POU2F3: variants seen among roughly 807,000 people sequenced by gnomAD.
POU2F3 encodes the protein POU domain, class 2, transcription factor 3.
In POU2F3, 23 loss-of-function variants were observed where a neutral mutation model predicts 59.2. That is an observed-to-expected ratio of 0.39 (90% CI 0.28 to 0.55). The LOEUF (loss-of-function observed/expected upper bound fraction) is 0.55. Ranked by LOEUF, POU2F3 falls within the 20% of genes least tolerant of loss-of-function variation. The pLI is 0.66. For missense variants in POU2F3, 473 were observed against 544.5 expected, an observed-to-expected ratio of 0.87 and a Z score of 1.31; for synonymous variants, 190 against 214.6, an observed-to-expected ratio of 0.89 and a Z score of 1.00.
rs386375076 is a variant in POU2F3, at chr11:120,308,938, C to CA, written c.907-449dup. ...TAGGCAACAGAGCGAGACTCCGTCT[C>CA]AAAAAAAAAAAAAAAAAAAAAAAAA... On this transcript the variant is annotated intron_variant, in intron 9 of 12. Coordinates refer to ENST00000543440, the MANE Select transcript of POU2F3 (RefSeq NM_014352.4). Among the ~76,000 whole-genome samples the CA allele has an allele frequency of 1.1e-3, 31 of 28,768 alleles. 5 individuals are homozygous for CA. Among genetic ancestry groups the CA allele is most frequent in the Non-Finnish European group, 1.6e-3 (25 of 15,748 alleles). The allele number at this position is 28,768 out of a possible 152,430, so 18.9% of individuals were successfully genotyped here.
intron 1 of POU2F3, among the ~76,000 whole-genome samples, chr11:120,243,481 A>G (rs1938753552): frequency 6.6e-6 from 1 of 152,154 alleles, no homozygotes; most frequent in Non-Finnish European, 1.5e-5. Flanking sequence ...GGGGCAGCCA[A>G]GGGTCTGCAG....
At chr11:120,304,941 G>GT (rs1320106383) in intron 6 of POU2F3, 89 bp from the exon 7 acceptor site, 2 of 532,582 alleles carry the variant, frequency 3.8e-6, no homozygotes, top group African/African-American at 7.1e-5. Context: ...GGGCCTATTA[G>GT]TAAAAAAAAA....
chr11:120,297,199 C>G (rs1328774196), intron 3 of POU2F3, among the ~76,000 whole-genome samples: 1 of 152,188 alleles, frequency 6.6e-6, no homozygotes, highest in Non-Finnish European at 1.5e-5. Flanking sequence ...CACATGGACA[C>G]CCTCCCAAGG....
chr11:120,274,837 G>T (rs1239000352), intron 3 of POU2F3, among the ~76,000 whole-genome samples: 1 of 152,190 alleles, frequency 6.6e-6, no homozygotes, highest in Non-Finnish European at 1.5e-5. Flanking sequence ...AGGAGTGGAT[G>T]TCTATAGATG....
chr11:120,283,859 G>A (rs898730981), intron 3 of POU2F3, among the ~76,000 whole-genome samples: 1 of 150,068 alleles, frequency 6.7e-6, no homozygotes, highest in Non-Finnish European at 1.5e-5. Flanking sequence ...TTGGGAAAAG[G>A]GTCTGTATCA....
chr11:120,304,923 C>A, intron 6 of POU2F3, 107 bp from the exon 7 acceptor site: 1 of 896,874 alleles, frequency 1.1e-6, no homozygotes. Flanking sequence ...ATCTGTCATC[C>A]TCTAAGTGGG....
Position 120,240,370 on chromosome 11 carries a change from A to T in POU2F3, c.27A>T (p.Thr9=). ...TGGTGAATCTGGAGTCCATGCACAC[A>T]GGTGAGGGGCGGAGGGAATGAGCTC... is the stretch of plus-strand genomic sequence containing the variant. MVNLESMH[T]DIKMSGDVAD... is the part of the protein sequence containing the mutation. The change falls in exon 1 of 13, where the codon ACA becomes ACT. Residue 9 remains threonine (T), a splice_region_variant and synonymous_variant. Coordinates refer to ENST00000543440, the MANE Select transcript of POU2F3 (RefSeq NM_014352.4). 1 of 1,427,260 alleles carries T rather than the reference A, an allele frequency of 7.0e-7. No homozygotes were observed. Among genetic ancestry groups the T allele is most frequent in the Admixed American group, 2.3e-5 (1 of 43,298 alleles). The allele number at this position is 1,427,260 out of a possible 1,614,324, so 88.4% of individuals were successfully genotyped here.
chr11:120,260,608 C>G (rs1032916857), intron 2 of POU2F3, among the ~76,000 whole-genome samples: 9 of 152,170 alleles, frequency 5.9e-5, no homozygotes. Flanking sequence ...TTCTGTGGAC[C>G]TAGATGTTCT....
At chr11:120,278,871 C>G (rs1940445646) in intron 3 of POU2F3, among the ~76,000 whole-genome samples, 1 of 152,084 alleles carries the variant, frequency 6.6e-6, no homozygotes, top group Admixed American at 6.5e-5. Flanking sequence ...ATGTAACAAA[C>G]CTGCACATTC....
chr11:120,290,839 C>CGT (rs1256049830), intron 3 of POU2F3, among the ~76,000 whole-genome samples: 1 of 152,194 alleles, frequency 6.6e-6, no homozygotes, highest in Non-Finnish European at 1.5e-5. Context: ...CGCGTGCACG[C>CGT]GTGTGTACGT....
intron 3 of POU2F3, among the ~76,000 whole-genome samples, chr11:120,278,328 G>A (rs902160012): frequency 3.3e-5 from 5 of 151,956 alleles, no homozygotes; most frequent in African/African-American, 9.7e-5. Context: ...TGCAAACCAC[G>A]CCTCCTAATT....
intron 3 of POU2F3, among the ~76,000 whole-genome samples, chr11:120,284,801 G>A (rs538303897): frequency 6.6e-6 from 1 of 151,438 alleles, no homozygotes; most frequent in African/African-American, 2.4e-5. Context: ...GGGTGAGTGT[G>A]AAACTCACAG....
chr11:120,315,393 T>C lies in POU2F3; in HGVS notation c.1101T>C (p.Ser367=). The change falls in exon 11 of 13, where the codon TCT becomes TCC. Residue 367 remains serine, a synonymous_variant. Coordinates refer to ENST00000543440, the MANE Select transcript of POU2F3 (RefSeq NM_014352.4). ...VSPSGSLGPL[S]VPPVHSTMPG... ...CCTCAGGGTCTCTGGGCCCCCTCTCTGTCCCTCCTGTCCACAGTACCATGC... is the reference window on the plus strand; with the variant it reads ...CCTCAGGGTCTCTGGGCCCCCTCTCCGTCCCTCCTGTCCACAGTACCATGC... 2 of 1,613,738 alleles carry C rather than the reference T, an allele frequency of 1.2e-6. No individual in the cohort carries two copies. The highest frequency in any genetic ancestry group is 3.3e-4 in the Middle Eastern group (2 of 6,052).
At chr11:120,279,858 C>T (rs1003687126) in intron 3 of POU2F3, among the ~76,000 whole-genome samples, 13 of 152,200 alleles carry the variant, frequency 8.5e-5, no homozygotes, top group Non-Finnish European at 4.4e-5. Flanking sequence ...ACCAAAAAGC[C>T]CCTCTGCAGC....
Position 120,305,754 on chromosome 11 carries a change from GC to G in POU2F3, c.742del (p.Leu248CysfsTer6). The G allele has an allele frequency of 6.2e-7, 1 of 1,613,840 alleles. No individual in the cohort carries two copies. The highest frequency in any genetic ancestry group is 8.5e-7 in the Non-Finnish European group (1 of 1,180,022). ...GCTTCAAGAACATGTGCAAGCTCAA[GC>G]CCCTGCTGGAGAAGTGGCTGAATGA... ...LSFKNMCKLK[P>X]LLEKWLNDAE... On this transcript the variant is annotated frameshift_variant, in exon 8 of 13. Transcript: ENST00000543440. LOFTEE classifies it high-confidence loss of function.
At chr11:120,257,986 G>A (rs950876178) in intron 2 of POU2F3, among the ~76,000 whole-genome samples, 8 of 152,172 alleles carry the variant, frequency 5.3e-5, no homozygotes, top group African/African-American at 1.7e-4. Flanking sequence ...TTCCTTATGC[G>A]TAAGATGTAT....
In POU2F3 at chr11:120,302,339, C is replaced by T; in HGVS notation, c.415C>T (p.Pro139Ser). 6.2e-7 allele frequency: 1 copy of T among 1,612,732 alleles called. No individual in the cohort carries two copies. Among genetic ancestry groups the T allele is most frequent in the Non-Finnish European group, 8.5e-7 (1 of 1,178,752 alleles). ...ACAGCAACAAAGCGGTCTCCTCCTC[C>T]CACAGACTGGGCCGGGACTGGCATC... ...FPQQQSGLLLPQTGPGLASQA... is the reference protein window; with the variant it reads ...FPQQQSGLLLSQTGPGLASQA... Residue 139 changes from proline (P) to serine (S), a missense_variant, in exon 6 of 13, where the codon CCA becomes TCA. Transcript: ENST00000543440.
At chr11:120,292,519 A>T (rs1565379296) in intron 3 of POU2F3, among the ~76,000 whole-genome samples, 2 of 152,066 alleles carry the variant, frequency 1.3e-5, no homozygotes, top group Non-Finnish European at 1.5e-5. Flanking sequence ...CATTTCACTT[A>T]TTTAGGGGCA....
intron 2 of POU2F3, 146 bp downstream of exon 2, chr11:120,246,663 G>A (rs1185145943): frequency 1.3e-5 from 10 of 760,662 alleles, no homozygotes; most frequent in Non-Finnish European, 1.7e-5. Context: ...AATTCCCTGA[G>A]GACATGGGAT....
Sources: allele counts gnomAD v4.1 joint callset (sites outside exome capture counted in the v4.1 genomes callset), GRCh38; gene constraint gnomAD v4.1.1; transcripts MANE v1.5; gene names NCBI Gene and HGNC (gene_info 2026-07-23, HGNC 2026-07-21).